The following RPS6KA5 variants were observed in gnomAD, a reference collection of about 807,000 sequenced individuals.
The protein encoded by RPS6KA5 is ribosomal protein S6 kinase alpha-5.
RPS6KA5 carries 27 observed loss-of-function variants against 85.5 expected under a neutral mutation model. The observed-to-expected ratio is 0.32, with a 90% CI of 0.23 to 0.44. The LOEUF is 0.44. RPS6KA5 is among the 20% of genes least tolerant of loss of function. The pLI is 1.00. For synonymous variants in RPS6KA5, 334 were observed against 348.2 expected (o/e 0.96, Z 0.46); for missense variants, 811 against 980.9 (o/e 0.83, Z 2.31).
rs555706726 is a variant in RPS6KA5, at chr14:91,000,941, AT to A, written c.175+146del. 1.2e-3 allele frequency: 586 copies of A among 488,766 alleles called. 1 individual carries two copies. The highest frequency in any genetic ancestry group is 1.8e-3 in the Non-Finnish European group (481 of 274,622). 30.3% of individuals were successfully genotyped at this position (488,766 alleles called of 1,614,324 possible). A position where few individuals can be genotyped will look rare whatever the true frequency, so the allele number is the denominator to read the frequency against. On this transcript the variant is annotated intron_variant, in intron 2 of 16. Transcript: ENST00000614987. ...ATTTTTGCCTTTTGTGCTTCTATGA[AT>A]GGTCTGTTCATGTTCTTTGACAGTT...
chr14:90,877,965 A>G (rs150608541), intron 14 of RPS6KA5, among the ~76,000 whole-genome samples: 2 of 152,244 alleles, frequency 1.3e-5, no homozygotes, highest in Non-Finnish European at 2.9e-5. Context: ...CAAATGGTTA[A>G]TAAGTTTGTC....
At chr14:90,899,272 A>G (rs1281904268) in intron 12 of RPS6KA5, 57 bp downstream of exon 12, 5 of 1,216,054 alleles carry the variant, frequency 4.1e-6, no homozygotes, top group Non-Finnish European at 5.9e-6. Flanking sequence ...CGTGAAAAGT[A>G]CAACCCTGTA....
intron 2 of RPS6KA5, among the ~76,000 whole-genome samples, chr14:90,995,673 A>G (rs963030168): frequency 6.6e-6 from 1 of 152,174 alleles, no homozygotes; most frequent in Non-Finnish European, 1.5e-5. Flanking sequence ...TTCAAGCTTA[A>G]GAATTTTCCT....
intron 1 of RPS6KA5, among the ~76,000 whole-genome samples, chr14:91,002,965 T>TA (rs1270711132): frequency 6.6e-6 from 1 of 152,122 alleles, no homozygotes; most frequent in Non-Finnish European, 1.5e-5. Flanking sequence ...ATCAAAAACA[T>TA]AGGTAGTATT....
At chr14:91,042,380 C>T (rs7492657) in intron 1 of RPS6KA5, among the ~76,000 whole-genome samples, 2,322 of 152,080 alleles carry the variant, frequency 0.015, 40 homozygotes, top group African/African-American at 0.043. Flanking sequence ...GGCTTGGTGG[C>T]ACGCGCCTGT....
At chr14:91,025,436 T>C (rs1307595954) in intron 1 of RPS6KA5, among the ~76,000 whole-genome samples, 1 of 151,592 alleles carries the variant, frequency 6.6e-6, no homozygotes, top group Non-Finnish European at 1.5e-5. Context: ...AATTTGGTAC[T>C]GTTTTCCTTT....
chr14:91,052,551 G>A (rs532818277), intron 1 of RPS6KA5: 12 of 204,166 alleles, frequency 5.9e-5, no homozygotes, highest in Admixed American at 2.2e-4. Flanking sequence ...TTAGGCAAGC[G>A]CGGTGGCTCA....
intron 7 of RPS6KA5, among the ~76,000 whole-genome samples, chr14:90,911,946 A>T (rs1193283699): frequency 6.6e-6 from 1 of 152,140 alleles, no homozygotes; most frequent in Non-Finnish European, 1.5e-5. Flanking sequence ...CAGAGTGGCA[A>T]GGAGGCAATG....
At chr14:90,975,140 G>A (rs1214823000) in intron 3 of RPS6KA5, among the ~76,000 whole-genome samples, 1 of 151,958 alleles carries the variant, frequency 6.6e-6, no homozygotes. Flanking sequence ...TTTTCTGTAT[G>A]CATATATACT....
intron 3 of RPS6KA5, among the ~76,000 whole-genome samples, chr14:90,970,269 TCA>T (rs1303621363): frequency 6.6e-6 from 1 of 152,230 alleles, no homozygotes; most frequent in Non-Finnish European, 1.5e-5. Flanking sequence ...GGAAGTGTTT[TCA>T]GTTACTGTCT....
intron 1 of RPS6KA5, among the ~76,000 whole-genome samples, chr14:91,047,605 C>T (rs1292486459): frequency 6.6e-6 from 1 of 152,196 alleles, no homozygotes. Context: ...AAATTATCTC[C>T]TGGTTAATCC....
At chr14:91,024,183 A>AT (rs1377868525) in intron 1 of RPS6KA5, among the ~76,000 whole-genome samples, 1 of 152,046 alleles carries the variant, frequency 6.6e-6, no homozygotes, top group Non-Finnish European at 1.5e-5. Flanking sequence ...TATATTCATC[A>AT]TTTCTGATAC....
At chr14:90,999,805 T>C (rs2040703165) in intron 2 of RPS6KA5, among the ~76,000 whole-genome samples, 1 of 152,190 alleles carries the variant, frequency 6.6e-6, no homozygotes, top group South Asian at 2.1e-4. Context: ...ACTGCATAGG[T>C]CACATCCCCC....
At chr14:90,889,459 T>C (rs970788827) in intron 14 of RPS6KA5, among the ~76,000 whole-genome samples, 2 of 152,158 alleles carry the variant, frequency 1.3e-5, no homozygotes, top group Admixed American at 1.3e-4. Flanking sequence ...TACTCCCATA[T>C]AGTTGATGAG....
chr14:90,978,280 A>C (rs757839875), intron 3 of RPS6KA5, 26 bp downstream of exon 3: 1 of 1,541,680 alleles, frequency 6.5e-7, no homozygotes, highest in Non-Finnish European at 8.8e-7. Flanking sequence ...GTTTTCATAA[A>C]AAGTCTGATA....
chr14:91,037,359 T>G (rs2042446303), intron 1 of RPS6KA5, among the ~76,000 whole-genome samples: 1 of 152,220 alleles, frequency 6.6e-6, no homozygotes, highest in African/African-American at 2.4e-5. Context: ...AATGCCACTG[T>G]GGCCCATTAT....
At chr14:90,908,468 CCCTGTGAAAACAGAAGATATGTGGAA>C (rs1163600050) in intron 7 of RPS6KA5, among the ~76,000 whole-genome samples, 1 of 152,102 alleles carries the variant, frequency 6.6e-6, no homozygotes, top group African/African-American at 2.4e-5. Flanking sequence ...TCTTGCCCCA[CCCTGTGAAAACAGAAGATATGTGGAA>C]GGAATATCAC....
chr14:91,024,135 T>C (rs986035530), intron 1 of RPS6KA5, among the ~76,000 whole-genome samples: 1 of 152,210 alleles, frequency 6.6e-6, no homozygotes, highest in Non-Finnish European at 1.5e-5. Context: ...CTTATTAAAT[T>C]TGTATTTAAA....
intron 1 of RPS6KA5, among the ~76,000 whole-genome samples, chr14:91,011,447 C>T (rs1230510005): frequency 6.6e-6 from 1 of 152,034 alleles, no homozygotes; most frequent in South Asian, 2.1e-4. Flanking sequence ...GATCGCGCCA[C>T]TGCACTCCAG....
Sources: allele counts gnomAD v4.1 joint callset (sites outside exome capture counted in the v4.1 genomes callset), GRCh38; gene constraint gnomAD v4.1.1; transcripts MANE v1.5; gene names NCBI Gene and HGNC (gene_info 2026-07-23, HGNC 2026-07-21).